Variants in AKR1C8 observed in about 807,000 individuals in gnomAD.
The protein encoded by AKR1C8 is aldo-keto reductase family 1 member C-like protein 1.
chr10:5,154,747 A>AT, the AKR1C8 span: 7 of 152,322 alleles, frequency 4.6e-5, no homozygotes, highest in East Asian at 1.9e-4. Flanking sequence ...CCAAAATTGT[A>AT]TTTCCCCTGC....
the AKR1C8 span, among the ~76,000 whole-genome samples, chr10:5,160,546 C>T: frequency 6.6e-6 from 1 of 152,140 alleles, no homozygotes; most frequent in Non-Finnish European, 1.5e-5. Flanking sequence ...TATGCTGACC[C>T]CTTATAGGGC....
chr10:5,143,318 G>A, the AKR1C8 span, among the ~76,000 whole-genome samples: 9 of 152,064 alleles, frequency 5.9e-5, no homozygotes, highest in Non-Finnish European at 4.4e-5. Context: ...ACTTGTTCAC[G>A]AGTGCCTTCT....
chr10:5,174,612 A>T, the AKR1C8 span, among the ~76,000 whole-genome samples: 4 of 152,094 alleles, frequency 2.6e-5, no homozygotes, highest in Admixed American at 2.0e-4. Flanking sequence ...CTCAGACTTT[A>T]TGCCTAACAT....
the AKR1C8 span, among the ~76,000 whole-genome samples, chr10:5,130,130 A>T: frequency 1.3e-5 from 2 of 152,040 alleles, no homozygotes; most frequent in Non-Finnish European, 2.9e-5. Flanking sequence ...CAAGTCAATA[A>T]ATATGATATA....
the AKR1C8 span, chr10:5,162,052 T>A: frequency 4.3e-6 from 2 of 467,954 alleles, no homozygotes; most frequent in Non-Finnish European, 8.8e-6. Context: ...GGTCAGACAT[T>A]GAGATATGAG....
the AKR1C8 span, chr10:5,132,617 T>C: frequency 6.3e-7 from 1 of 1,582,806 alleles, no homozygotes; most frequent in South Asian, 1.1e-5. Context: ...AAGTGTAGAA[T>C]ATGTCTTCTC....
At chr10:5,135,606 T>A in the AKR1C8 span, among the ~76,000 whole-genome samples, 1 of 152,154 alleles carries the variant, frequency 6.6e-6, no homozygotes, top group South Asian at 2.1e-4. Context: ...ATCTCATAAA[T>A]TCCTCCAATA....
chr10:5,161,358 C>G, the AKR1C8 span, among the ~76,000 whole-genome samples: 2 of 152,170 alleles, frequency 1.3e-5, no homozygotes, highest in Non-Finnish European at 2.9e-5. Flanking sequence ...CCAACGTCCA[C>G]TGTGATGAGA....
chr10:5,116,495 C>G, the AKR1C8 span, among the ~76,000 whole-genome samples: 1 of 152,104 alleles, frequency 6.6e-6, no homozygotes, highest in Non-Finnish European at 1.5e-5. Flanking sequence ...AGAAAGAGTA[C>G]TAATACATTG....
chr10:5,159,357 C>A, the AKR1C8 span, among the ~76,000 whole-genome samples: 1 of 152,148 alleles, frequency 6.6e-6, no homozygotes, highest in African/African-American at 2.4e-5. Context: ...ATGTGGAAAT[C>A]TTTACAGGAC....
At chr10:5,162,661 G>A in the AKR1C8 span, among the ~76,000 whole-genome samples, 1 of 152,128 alleles carries the variant, frequency 6.6e-6, no homozygotes, top group Non-Finnish European at 1.5e-5. Context: ...ACTGTCTGAT[G>A]CTCAGAGACA....
chr10:5,121,582 C>T, the AKR1C8 span, among the ~76,000 whole-genome samples: 55 of 152,010 alleles, frequency 3.6e-4, no homozygotes, highest in Admixed American at 1.0e-3. Context: ...TGGACTCTTA[C>T]GGGAGGACAT....
the AKR1C8 span, among the ~76,000 whole-genome samples, chr10:5,124,082 G>A: frequency 6.6e-6 from 1 of 152,100 alleles, no homozygotes; most frequent in East Asian, 1.9e-4. Context: ...TTGACCACTA[G>A]AAGGGCACAC....
At chr10:5,167,319 A>G in the AKR1C8 span, among the ~76,000 whole-genome samples, 3 of 152,204 alleles carry the variant, frequency 2.0e-5, no homozygotes, top group South Asian at 2.1e-4. Context: ...ATGCTGCTAT[A>G]AAGACACATG....
chr10:5,161,839 G>C, the AKR1C8 span: 5 of 534,574 alleles, frequency 9.4e-6, no homozygotes, highest in East Asian at 2.7e-4. Flanking sequence ...GCATAACAAG[G>C]AAAAACAAAA....
chr10:5,163,281 T>C, the AKR1C8 span, among the ~76,000 whole-genome samples: 5 of 152,156 alleles, frequency 3.3e-5, no homozygotes, highest in African/African-American at 1.2e-4. Context: ...ACTGTAGAAA[T>C]TGAATATAAC....
chr10:5,137,758 T>C, the AKR1C8 span, among the ~76,000 whole-genome samples: 3 of 152,020 alleles, frequency 2.0e-5, no homozygotes, highest in East Asian at 1.9e-4. Context: ...AGAGACAGTA[T>C]AAAGAGAGGA....
chr10:5,154,507 C>T, the AKR1C8 span: 3 of 228,446 alleles, frequency 1.3e-5, no homozygotes, highest in African/African-American at 6.9e-5. Context: ...ACCTTCTAAG[C>T]AGTTAAATGT....
the AKR1C8 span, among the ~76,000 whole-genome samples, chr10:5,126,932 A>G: frequency 3.9e-5 from 6 of 152,164 alleles, no homozygotes; most frequent in African/African-American, 1.4e-4. Flanking sequence ...AAGACATTAA[A>G]GAAAAACAGG....
Sources: gnomAD v4.1 joint callset for allele counts (sites outside exome capture counted in the v4.1 genomes callset) on GRCh38, gnomAD v4.1.1 for gene constraint, MANE v1.5 for transcripts, NCBI Gene and HGNC (gene_info 2026-07-23, HGNC 2026-07-21) for gene names.